The following NDUFS1 variants were observed in gnomAD, a reference collection of about 807,000 sequenced individuals.
NDUFS1 encodes NADH:ubiquinone oxidoreductase core subunit S1.
NDUFS1 carries 61 observed loss-of-function variants against 84.4 expected under a neutral mutation model. The ratio of observed to expected loss-of-function variants is 0.72; its 90% CI spans 0.59 to 0.89. NDUFS1 has a LOEUF of 0.89. Among genes scored for constraint, NDUFS1 ranks in the 40% least tolerant of loss-of-function variants. NDUFS1 has a pLI of 0.00. For missense variants in NDUFS1, 891 were observed against 890.0 expected (o/e 1.00, Z -0.01); for synonymous variants, 275 against 290.0 (o/e 0.95, Z 0.53).
chr2:206,136,440 T>TG (rs1397125059), intron 13 of NDUFS1, among the ~76,000 whole-genome samples: 2 of 147,206 alleles, frequency 1.4e-5, no homozygotes, highest in East Asian at 4.0e-4. Flanking sequence ...TTTTTTTTGT[T>TG]TTTTTTTTTT....
Position 206,147,632 on chromosome 2 carries a change from C to G in NDUFS1, c.450G>C (p.Arg150Ser), listed in dbSNP as rs1293603393. The G allele has an allele frequency of 6.2e-7, 1 of 1,614,016 alleles. No individual in the cohort carries two copies. The highest frequency in any genetic ancestry group is 8.5e-7 in the Non-Finnish European group (1 of 1,180,016). Residue 150 changes from arginine (R) to serine (S), a missense_variant, in exon 7 of 19, where the codon AGG becomes AGC. By Grantham distance (110) the Arg-to-Ser change is moderately radical. Coordinates refer to ENST00000233190, the MANE Select transcript of NDUFS1 (RefSeq NM_005006.7). ...CACGCTTCCCCTCTAAAAATCGGCT[C>G]CTATCATTTCCAAACATCATGGACT... The part of the protein sequence containing the change: ...QDQSMMFGND[R>S]SRFLEGKRAV...
chr2:206,130,139 C>G lies in NDUFS1; in HGVS notation c.1657G>C (p.Gly553Arg). 1.2e-6 allele frequency: 2 copies of G among 1,614,146 alleles called. No homozygotes were observed. The highest frequency in any genetic ancestry group is 1.3e-5 in the African/African-American group (1 of 75,036). The change falls in exon 15 of 19, where the codon GGT (glycine) becomes CGT (arginine). Residue 553 changes from glycine (G) to arginine (R), a missense_variant. Coordinates refer to ENST00000233190, the MANE Select transcript of NDUFS1 (RefSeq NM_005006.7). The part of the protein sequence containing the change: ...KVLFLLGADG[G>R]CITRQDLPKD... ...GGCAAATCCTGTCGTGTGATACAAC[C>G]TCCATCTGCTCCCAGGAGAAACAGC...
intron 13 of NDUFS1, among the ~76,000 whole-genome samples, chr2:206,135,484 C>T (rs1227766652): frequency 1.3e-5 from 2 of 151,850 alleles, no homozygotes; most frequent in Non-Finnish European, 2.9e-5. Flanking sequence ...ACCATCCTGG[C>T]CAACATGGTG....
chr2:206,115,906 G>A lies in NDUFS1; in HGVS notation c.*8279C>T. 4 of 595,930 alleles carry A rather than the reference G, an allele frequency of 6.7e-6. No individual in the cohort carries two copies. The highest frequency in any genetic ancestry group is 9.1e-6 in the Non-Finnish European group (3 of 328,180). 36.9% of individuals were successfully genotyped at this position (595,930 alleles called of 1,614,324 possible). A position where few individuals can be genotyped will look rare whatever the true frequency, so the allele number is the denominator to read the frequency against. ...GAGCCTAGTCTAAAAATCATAGGATGTTGTGAAAAAGACACATATTATGTT... is the reference window on the plus strand; with the variant it reads ...GAGCCTAGTCTAAAAATCATAGGATATTGTGAAAAAGACACATATTATGTT... On this transcript the variant is annotated 3_prime_UTR_variant, in exon 19 of 19. Transcript: ENST00000233190.
rs186062400 is a variant in NDUFS1, at chr2:206,127,787, G to T, written c.1884+10C>A. On this transcript the variant is annotated intron_variant, in intron 16 of 18. Transcript: ENST00000233190. ...AGTAGCATCACTAAGAAATGACTCA[G>T]AAATTATACCTCAGAGAGTGCTCTT... 1 of 1,613,592 alleles carries T rather than the reference G, an allele frequency of 6.2e-7. No individual in the cohort carries two copies. Among genetic ancestry groups the T allele is most frequent in the Admixed American group, 1.7e-5 (1 of 60,000 alleles).
intron 3 of NDUFS1, 55 bp downstream of exon 3, chr2:206,152,364 A>T: frequency 7.8e-7 from 1 of 1,281,744 alleles, no homozygotes; most frequent in Non-Finnish European, 1.1e-6. Context: ...GAAATAAATT[A>T]GTATTTTTAA....
chr2:206,125,093 C>CA (rs201736517), intron 18 of NDUFS1, among the ~76,000 whole-genome samples: 2,083 of 123,162 alleles, frequency 0.017, 43 homozygotes, highest in East Asian at 0.093. Flanking sequence ...CCATCTGCCC[C>CA]CCTCAGCCTC....
chr2:206,138,520 G>GC lies in NDUFS1; in HGVS notation c.1356_1357insG (p.Gln453AlafsTer11). Reference sequence around the variant, plus strand: ...GGATGGCTTCCCGAAGCAATGTCTTGAAGAATTTTGGGGGAGTCTCCCAGG... The same window carrying GC: ...GGATGGCTTCCCGAAGCAATGTCTTGCAAGAATTTTGGGGGAGTCTCCCAGG... On this transcript the variant is annotated frameshift_variant, in exon 13 of 19. Coordinates refer to ENST00000233190, the MANE Select transcript of NDUFS1 (RefSeq NM_005006.7). LOFTEE classifies it high-confidence loss of function. The GC allele has an allele frequency of 6.2e-7, 1 of 1,614,112 alleles. No homozygotes were observed. The highest frequency in any genetic ancestry group is 8.5e-7 in the Non-Finnish European group (1 of 1,179,964).
intron 8 of NDUFS1, among the ~76,000 whole-genome samples, chr2:206,145,707 T>C (rs1692128467): frequency 6.6e-6 from 1 of 152,184 alleles, no homozygotes. Context: ...AACTGGTGGC[T>C]GGGCTCAGTG....
intron 15 of NDUFS1, 143 bp downstream of exon 15, chr2:206,129,941 GGTTT>G: frequency 1.2e-6 from 1 of 832,894 alleles, no homozygotes; most frequent in South Asian, 1.5e-5. Context: ...TAACACTTGT[GGTTT>G]GTTTAAAAAA....
intron 14 of NDUFS1, 44 bp downstream of exon 14, chr2:206,132,901 A>T (rs763800776): frequency 6.5e-7 from 1 of 1,540,760 alleles, no homozygotes; most frequent in East Asian, 2.3e-5. Flanking sequence ...CATATACACA[A>T]CATTACTTGA....
Position 206,116,586 on chromosome 2 carries a change from T to G in NDUFS1, c.*7599A>C. On this transcript the variant is annotated 3_prime_UTR_variant, in exon 19 of 19. Coordinates refer to ENST00000233190, the MANE Select transcript of NDUFS1 (RefSeq NM_005006.7). Reference sequence around the variant, plus strand: ...CGGTGTGGGCAGAAGTAAATTTCTTTATAAATTACCCAGTCTGGGCCTGGT... The same window carrying G: ...CGGTGTGGGCAGAAGTAAATTTCTTGATAAATTACCCAGTCTGGGCCTGGT... The G allele has an allele frequency of 1.8e-6, 1 of 556,060 alleles. No homozygotes were observed. Among genetic ancestry groups the G allele is most frequent in the Non-Finnish European group, 3.2e-6 (1 of 309,434 alleles). The allele number at this position is 556,060 out of a possible 1,614,324, so 34.4% of individuals were successfully genotyped here. A position where few individuals can be genotyped will look rare whatever the true frequency, so the allele number is the denominator to read the frequency against.
chr2:206,147,966 G>T, intron 5 of NDUFS1, 132 bp from the exon 6 acceptor site: 1 of 816,338 alleles, frequency 1.2e-6, no homozygotes, highest in Non-Finnish European at 2.1e-6. Context: ...TGCTCAGGCT[G>T]CAGTGCAGTG....
At chr2:206,149,182 T>C in intron 4 of NDUFS1, 86 bp from the exon 5 acceptor site, 2 of 962,744 alleles carry the variant, frequency 2.1e-6, no homozygotes, top group Admixed American at 2.1e-5. Context: ...TTAAATTATA[T>C]AAAAACATTA....
intron 13 of NDUFS1, among the ~76,000 whole-genome samples, chr2:206,134,943 C>T (rs72944817): frequency 2.1e-3 from 317 of 152,032 alleles, no homozygotes; most frequent in Middle Eastern, 0.02. Flanking sequence ...TGCCATTGCA[C>T]TGCAGCCTGG....
In NDUFS1 at chr2:206,116,406, T is replaced by C; in HGVS notation, c.*7779A>G. ...TAACCAGACGGCGCCCATCCCAAGC[T>C]GCCAGGGCCTCGATAGGCAGGGCGC... is the stretch of plus-strand genomic sequence containing the variant. On this transcript the variant is annotated 3_prime_UTR_variant, in exon 19 of 19. Coordinates refer to ENST00000233190, the MANE Select transcript of NDUFS1 (RefSeq NM_005006.7). 1 of 807,724 alleles carries C rather than the reference T, an allele frequency of 1.2e-6. No individual in the cohort carries two copies. The highest frequency in any genetic ancestry group is 2.1e-6 in the Non-Finnish European group (1 of 472,726). 50.0% of individuals were successfully genotyped at this position (807,724 alleles called of 1,614,324 possible).
At chr2:206,129,863 A>G (rs532000666) in intron 15 of NDUFS1, among the ~76,000 whole-genome samples, 1 of 152,236 alleles carries the variant, frequency 6.6e-6, no homozygotes, top group African/African-American at 2.4e-5. Flanking sequence ...AAGTGCTGGG[A>G]TTACAGGTGT....
chr2:206,145,176 G>A, intron 8 of NDUFS1, 150 bp from the exon 9 acceptor site: 1 of 751,092 alleles, frequency 1.3e-6, no homozygotes, highest in Non-Finnish European at 2.1e-6. Context: ...TTAAATAAAA[G>A]AACCCCCCAC....
chr2:206,147,123 T>C (rs1692185023), intron 7 of NDUFS1, 35 bp from the exon 8 acceptor site: 1 of 1,594,424 alleles, frequency 6.3e-7, no homozygotes, highest in Non-Finnish European at 8.6e-7. Context: ...AATGGTCAAG[T>C]CCAGCAAAAT....
Sources: gnomAD v4.1 joint callset for allele counts (sites outside exome capture counted in the v4.1 genomes callset) on GRCh38, gnomAD v4.1.1 for gene constraint, MANE v1.5 for transcripts, NCBI Gene and HGNC (gene_info 2026-07-23, HGNC 2026-07-21) for gene names.